Variants in SV2B observed in about 807,000 individuals in gnomAD.
SV2B encodes solute carrier family 22 member B2.
SV2B carries 41 observed loss-of-function variants against 73.9 expected under a neutral mutation model. The observed-to-expected ratio is 0.56, with a 90% CI of 0.43 to 0.72. The LOEUF is 0.72. Ranked by LOEUF, SV2B falls within the 30% of genes least tolerant of loss-of-function variation. SV2B has a pLI of 0.00. For synonymous variants in SV2B, 314 were observed against 314.2 expected, an observed-to-expected ratio of 1.00 and a Z score of 0.01; for missense variants, 764 against 857.8, an observed-to-expected ratio of 0.89 and a Z score of 1.37.
chr15:91,190,845 G>T (rs973839888), intron 1 of SV2B, among the ~76,000 whole-genome samples: 2 of 151,870 alleles, frequency 1.3e-5, no homozygotes, highest in Admixed American at 6.6e-5. Context: ...CAGCTACAAT[G>T]GTTGATTTAT....
At chr15:91,269,908 C>T (rs969896584) in intron 9 of SV2B, among the ~76,000 whole-genome samples, 41 of 152,302 alleles carry the variant, frequency 2.7e-4, no homozygotes, top group African/African-American at 9.1e-4. Flanking sequence ...ACATCCCCTA[C>T]AGAGACAGTT....
At position 91,197,214 on chromosome 15, in the gene SV2B, G is replaced by GT. The variant is rs1184490111; in HGVS notation, c.-391-28653dup. ...ATTGTTTTGTTTTTGTGTTTTTTTT[G>GT]TTTTTTGTTTTGTTTTGTTTTGTTT... On this transcript the variant is annotated intron_variant, in intron 1 of 12. Transcript: ENST00000394232. The surrounding 1 kb of genome is among the most constrained non-coding windows in gnomAD (Gnocchi z 4.9). Among the ~76,000 whole-genome samples, 24 of 147,826 alleles carry GT rather than the reference G, an allele frequency of 1.6e-4. No homozygotes were observed. The highest frequency in any genetic ancestry group is 3.3e-4 in the Admixed American group (5 of 15,094).
At position 91,229,591 on chromosome 15, in the gene SV2B, G is replaced by C. The variant is rs2046494854; in HGVS notation, c.451+2877G>C. Among the ~76,000 whole-genome samples, 2 of 152,034 alleles carry C rather than the reference G, an allele frequency of 1.3e-5. No homozygotes were observed. Among genetic ancestry groups the C allele is most frequent in the South Asian group, 4.1e-4 (2 of 4,826 alleles). On this transcript the variant is annotated intron_variant, in intron 2 of 12. Coordinates refer to ENST00000394232, the MANE Select transcript of SV2B (RefSeq NM_001323032.3). This position sits in a 1 kb window ranked among gnomAD's most constrained non-coding sequence, Gnocchi z 4.3. ...AAGTTGCCTGGCTTCTCTGTGCCTT[G>C]GTTTCCTTGTTTGCAAAATGGAGAT...
intron 1 of SV2B, among the ~76,000 whole-genome samples, chr15:91,200,596 G>C (rs988346804): frequency 6.6e-6 from 1 of 152,086 alleles, no homozygotes; most frequent in African/African-American, 2.4e-5. Flanking sequence ...TGCTACTGGG[G>C]TTTATTCATT....
chr15:91,101,169 A>G (rs1188346770), intron 1 of SV2B, among the ~76,000 whole-genome samples: 1 of 152,078 alleles, frequency 6.6e-6, no homozygotes, highest in African/African-American at 2.4e-5. Flanking sequence ...CGCTGGGGGA[A>G]TGCTTGCTGG....
rs1454372371 is a variant in SV2B, at chr15:91,236,239, G to A, written c.451+9525G>A. Reference sequence around the variant, plus strand: ...TAAGTGCACCCTTCTGGAAGACCTGGTAAATGAAAGATGTTTAGTAACTAC... The same window carrying A: ...TAAGTGCACCCTTCTGGAAGACCTGATAAATGAAAGATGTTTAGTAACTAC... On this transcript the variant is annotated intron_variant, in intron 2 of 12. Transcript: ENST00000394232. The surrounding 1 kb of genome is among the most constrained non-coding windows in gnomAD (Gnocchi z 4.1). Among the ~76,000 whole-genome samples, 2 of 152,102 alleles carry A rather than the reference G, an allele frequency of 1.3e-5. No individual in the cohort carries two copies. The highest frequency in any genetic ancestry group is 3.9e-4 in the East Asian group (2 of 5,192).
At chr15:91,264,318 TAG>T (rs745690240) in intron 6 of SV2B, among the ~76,000 whole-genome samples, 15 of 152,246 alleles carry the variant, frequency 9.9e-5, no homozygotes, top group South Asian at 2.1e-4. Context: ...ATTAAAATTT[TAG>T]AGAGTTTATT....
chr15:91,272,348 T>C (rs1314998707), intron 9 of SV2B, among the ~76,000 whole-genome samples: 3 of 152,172 alleles, frequency 2.0e-5, no homozygotes, highest in African/African-American at 4.8e-5. Flanking sequence ...CAAACTTACC[T>C]TCTCTTCCTG....
rs894212390 is a variant in SV2B at position 91,301,839 on chromosome 15, C to T, written c.*9287C>T. On this transcript the variant is annotated 3_prime_UTR_variant, in exon 13 of 13. Transcript: ENST00000394232. This position sits in a 1 kb window ranked among gnomAD's most constrained non-coding sequence, Gnocchi z 4.3. ...CCAGTGAGCTTTTCCTTGGAGTACA[C>T]GTTGGCGCTCAAAAAGTTTTCAATT... Among the ~76,000 whole-genome samples the T allele has an allele frequency of 3.9e-5, 6 of 152,212 alleles. No homozygotes were observed. Among genetic ancestry groups the T allele is most frequent in the African/African-American group, 1.2e-4 (5 of 41,450 alleles).
At chr15:91,211,320 A>C (rs907227959) in intron 1 of SV2B, among the ~76,000 whole-genome samples, 11 of 152,130 alleles carry the variant, frequency 7.2e-5, no homozygotes, top group African/African-American at 2.7e-4. Context: ...ACCTCATGAG[A>C]AGGGGATCAT....
rs1255789787 is a variant in SV2B at position 91,174,492 on chromosome 15, A to G, written c.-391-51381A>G. 2.0e-5 allele frequency among the ~76,000 whole-genome samples: 3 copies of G among 149,804 alleles called. No individual in the cohort carries two copies. In the East Asian group the frequency reaches 5.8e-4, roughly 29 times the overall value. ...TCCTTTGTTTAGGGAGAAAAAAAAA[A>G]GGCTTAATTTAAAACAAGCATTACT... On this transcript the variant is annotated intron_variant, in intron 1 of 12. Coordinates refer to ENST00000394232, the MANE Select transcript of SV2B (RefSeq NM_001323032.3).
chr15:91,183,477 C>G (rs968172348), intron 1 of SV2B, among the ~76,000 whole-genome samples: 3 of 152,220 alleles, frequency 2.0e-5, no homozygotes, highest in Non-Finnish European at 4.4e-5. Context: ...GCATTTACAT[C>G]TAGTTTTGAT....
chr15:91,172,215 C>A (rs1382910462), intron 1 of SV2B, among the ~76,000 whole-genome samples: 1 of 152,218 alleles, frequency 6.6e-6, no homozygotes, highest in East Asian at 1.9e-4. Flanking sequence ...CTTCTCCTCC[C>A]CCTCTGCATC....
In SV2B at chr15:91,295,128, G is replaced by A. The variant is rs145924366; in HGVS notation, c.*2576G>A. On this transcript the variant is annotated 3_prime_UTR_variant, in exon 13 of 13. Transcript: ENST00000394232. ...CGGCTGTGGAGGGTTAAAGGGATGA[G>A]GCTTTCCTTTGTTTAGCAAATCTGT... The A allele has an allele frequency of 6.5e-6, 1 of 152,686 alleles. No individual in the cohort carries two copies. Among genetic ancestry groups the A allele is most frequent in the East Asian group, 1.9e-4 (1 of 5,186 alleles). The allele number at this position is 152,686 out of a possible 1,614,324, so 9.5% of individuals were successfully genotyped here.
At chr15:91,248,429 A>G (rs1343873842) in intron 2 of SV2B, among the ~76,000 whole-genome samples, 1 of 152,246 alleles carries the variant, frequency 6.6e-6, no homozygotes, top group East Asian at 1.9e-4. Context: ...GGAAATCCAC[A>G]GTACTTCATC....
chr15:91,129,996 C>T lies in SV2B; in HGVS notation c.-392+29633C>T, dbSNP rs1410169227. On this transcript the variant is annotated intron_variant, in intron 1 of 12. Coordinates refer to ENST00000394232, the MANE Select transcript of SV2B (RefSeq NM_001323032.3). The surrounding 1 kb of genome is among the most constrained non-coding windows in gnomAD (Gnocchi z 5.1). ...TTAACAACCATTCCAAGGAGATGGC[C>T]GTCAACGCTAGGGGTGGATAAATTG... Among the ~76,000 whole-genome samples the T allele has an allele frequency of 1.3e-5, 2 of 152,220 alleles. No individual in the cohort carries two copies. Among genetic ancestry groups the T allele is most frequent in the East Asian group, 3.9e-4 (2 of 5,172 alleles).
rs939919694 is a variant in SV2B at position 91,258,962 on chromosome 15, C to T, written c.918+408C>T. Among the ~76,000 whole-genome samples the T allele has an allele frequency of 3.3e-5, 5 of 150,638 alleles. No individual in the cohort carries two copies. Among genetic ancestry groups the T allele is most frequent in the African/African-American group, 7.3e-5 (3 of 40,960 alleles). On this transcript the variant is annotated intron_variant, in intron 5 of 12. Transcript: ENST00000394232. The surrounding 1 kb of genome is among the most constrained non-coding windows in gnomAD (Gnocchi z 4.7). ...AAAAAATTAGTTGAGCGATTTGGTG[C>T]GTGCATGCCTGTGGTCCCATCTACT...
At chr15:91,113,381 A>G (rs1464123087) in intron 1 of SV2B, among the ~76,000 whole-genome samples, 1 of 152,142 alleles carries the variant, frequency 6.6e-6, no homozygotes, top group African/African-American at 2.4e-5. Context: ...TCAACTACAC[A>G]CATCTTAGAG....
chr15:91,295,219 C>A lies in SV2B; in HGVS notation c.*2667C>A, dbSNP rs967288016. ...AAATAGTTGCTTTCCATAGTCTCAA[C>A]TGTATTGTGTCATCTCCTGATGCTG... On this transcript the variant is annotated 3_prime_UTR_variant, in exon 13 of 13. Transcript: ENST00000394232. 1.3e-5 allele frequency: 2 copies of A among 152,234 alleles called. No individual in the cohort carries two copies. The highest frequency in any genetic ancestry group is 6.5e-5 in the Admixed American group (1 of 15,282). 9.4% of individuals were successfully genotyped at this position (152,234 alleles called of 1,614,324 possible). A position where few individuals can be genotyped will look rare whatever the true frequency, so the allele number is the denominator to read the frequency against.
Sources: allele counts gnomAD v4.1 joint callset (sites outside exome capture counted in the v4.1 genomes callset), GRCh38; gene constraint gnomAD v4.1.1; non-coding constraint Gnocchi (gnomAD v3.1); transcripts MANE v1.5; gene names NCBI Gene and HGNC (gene_info 2026-07-23, HGNC 2026-07-21).